DLGAP1: variants seen among roughly 807,000 people sequenced by gnomAD.
DLGAP1 encodes the protein disks large-associated protein 1.
A neutral mutation model predicts 90.8 loss-of-function variants in DLGAP1; 11 were observed. The ratio of observed to expected loss-of-function variants is 0.12; its 90% CI spans 0.08 to 0.20. The LOEUF (loss-of-function observed/expected upper bound fraction) is 0.20, where lower values mean the gene tolerates loss of function less well. Ranked by LOEUF, DLGAP1 falls within the 10% of genes least tolerant of loss-of-function variation. DLGAP1 has a pLI of 1.00. For missense variants in DLGAP1, 1,050 were observed against 1,333.8 expected (o/e 0.79, Z 3.31); for synonymous variants, 558 against 540.7 (o/e 1.03, Z -0.44).
chr18:3,893,620 TAAG>T (rs200944287), intron 3 of DLGAP1, among the ~76,000 whole-genome samples: 59 of 143,422 alleles, frequency 4.1e-4, no homozygotes, highest in African/African-American at 1.1e-3. Context: ...ATAATAATAA[TAAG>T]AACAATTCAA....
intron 3 of DLGAP1, among the ~76,000 whole-genome samples, chr18:3,958,184 C>A (rs772452893): frequency 3.3e-5 from 5 of 152,052 alleles, no homozygotes; most frequent in Admixed American, 6.5e-5. Flanking sequence ...GCTGGGATTA[C>A]AGGCATAAGC....
chr18:3,564,791 G>A (rs766215714), intron 9 of DLGAP1, among the ~76,000 whole-genome samples: 7 of 152,206 alleles, frequency 4.6e-5, no homozygotes, highest in Non-Finnish European at 1.0e-4. Flanking sequence ...ACTCCAGTAA[G>A]TTGTAAGTCT....
At chr18:3,693,997 A>G (rs1198423282) in intron 7 of DLGAP1, among the ~76,000 whole-genome samples, 1 of 152,076 alleles carries the variant, frequency 6.6e-6, no homozygotes, top group Non-Finnish European at 1.5e-5. Context: ...CATTGTCTAC[A>G]TTAGGTATTT....
intron 1 of DLGAP1, among the ~76,000 whole-genome samples, chr18:4,340,828 G>T (rs2081173024): frequency 6.6e-6 from 1 of 152,090 alleles, no homozygotes; most frequent in African/African-American, 2.4e-5. Context: ...TCAACATGAT[G>T]AATGTTCACT....
intron 3 of DLGAP1, among the ~76,000 whole-genome samples, chr18:3,925,178 C>G (rs1363209538): frequency 2.6e-5 from 4 of 152,138 alleles, no homozygotes; most frequent in African/African-American, 9.7e-5. Context: ...GTCTCAAACT[C>G]CTGACATCAG....
chr18:3,718,172 C>G (rs927968096), intron 7 of DLGAP1, among the ~76,000 whole-genome samples: 1 of 152,046 alleles, frequency 6.6e-6, no homozygotes, highest in Admixed American at 6.6e-5. Context: ...TTAATAAAAC[C>G]AGAAAAGGCC....
At chr18:3,662,515 GAC>G (rs1281947873) in intron 7 of DLGAP1, among the ~76,000 whole-genome samples, 4 of 152,246 alleles carry the variant, frequency 2.6e-5, no homozygotes, top group Admixed American at 2.6e-4. Flanking sequence ...TGTATTAGTG[GAC>G]ACATAATCAG....
At chr18:3,844,453 C>A (rs1031290357) in intron 4 of DLGAP1, among the ~76,000 whole-genome samples, 1 of 152,188 alleles carries the variant, frequency 6.6e-6, no homozygotes, top group African/African-American at 2.4e-5. Context: ...CACCAAAAAG[C>A]TATATCACAA....
At chr18:3,975,570 T>C (rs970341047) in intron 3 of DLGAP1, among the ~76,000 whole-genome samples, 1 of 152,160 alleles carries the variant, frequency 6.6e-6, no homozygotes, top group Non-Finnish European at 1.5e-5. Flanking sequence ...AATCCCACTA[T>C]GGGTATATAC....
chr18:4,332,806 C>A (rs2080979723), intron 1 of DLGAP1, among the ~76,000 whole-genome samples: 1 of 151,960 alleles, frequency 6.6e-6, no homozygotes, highest in East Asian at 1.9e-4. Context: ...CCCCATTTTC[C>A]TTCTGACCTC....
chr18:4,256,797 C>T (rs181175916), intron 1 of DLGAP1, among the ~76,000 whole-genome samples: 51 of 152,190 alleles, frequency 3.4e-4, no homozygotes, highest in African/African-American at 1.2e-3. Context: ...GCTATAAAGA[C>T]GGTTTCACTC....
At position 3,497,261 on chromosome 18, in the gene DLGAP1, C is replaced by T. The variant is rs763175197; in HGVS notation, c.*1924G>A. ...AAGAAAAGGTGTATTCTTTTTAAAA[C>T]TAGCAAATACTTGAAGCTCAAAATC... is the stretch of plus-strand genomic sequence containing the variant. On this transcript the variant is annotated 3_prime_UTR_variant, in exon 13 of 13. Transcript: ENST00000315677. 6.6e-6 allele frequency: 1 copy of T among 152,158 alleles called. No homozygotes were observed. The highest frequency in any genetic ancestry group is 1.5e-5 in the Non-Finnish European group (1 of 68,018). The allele number at this position is 152,158 out of a possible 1,614,324, so 9.4% of individuals were successfully genotyped here. A position where few individuals can be genotyped will look rare whatever the true frequency, so the allele number is the denominator to read the frequency against.
intron 6 of DLGAP1, among the ~76,000 whole-genome samples, chr18:3,730,105 TG>T (rs768028484): frequency 4.6e-5 from 7 of 152,174 alleles, no homozygotes; most frequent in Non-Finnish European, 8.8e-5. Flanking sequence ...AAAGCCCATA[TG>T]GGCTGACTGT....
chr18:3,752,276 A>C (rs1026094998), intron 5 of DLGAP1, among the ~76,000 whole-genome samples: 14 of 152,100 alleles, frequency 9.2e-5, no homozygotes, highest in Admixed American at 3.3e-4. Flanking sequence ...ATATTCATAG[A>C]ATTATGTAAT....
intron 1 of DLGAP1, among the ~76,000 whole-genome samples, chr18:4,291,012 G>A (rs1484891788): frequency 6.6e-6 from 1 of 152,070 alleles, no homozygotes; most frequent in Non-Finnish European, 1.5e-5. Context: ...AAAAACAAAA[G>A]CATAGTAAGG....
intron 1 of DLGAP1, among the ~76,000 whole-genome samples, chr18:4,205,005 G>A (rs575423386): frequency 6.6e-6 from 1 of 151,908 alleles, no homozygotes; most frequent in East Asian, 1.9e-4. Context: ...CTAACTGATT[G>A]CTTAAGGGGA....
intron 3 of DLGAP1, among the ~76,000 whole-genome samples, chr18:3,977,435 T>G (rs376071587): frequency 0.012 from 14 of 1,212 alleles, no homozygotes; most frequent in African/African-American, 0.024. Flanking sequence ...TTATTCTGTG[T>G]TTTTTTTTTT....
intron 1 of DLGAP1, among the ~76,000 whole-genome samples, chr18:4,351,845 C>A (rs1203158682): frequency 1.3e-5 from 2 of 152,132 alleles, no homozygotes; most frequent in East Asian, 1.9e-4. Flanking sequence ...AAATTAATAA[C>A]CTTGCTCTAG....
rs1163866098 is a variant in DLGAP1 at position 4,023,957 on chromosome 18, GT to G, written c.-158-18757del. Among the ~76,000 whole-genome samples, 7 of 152,170 alleles carry G rather than the reference GT, an allele frequency of 4.6e-5. No homozygotes were observed. In the East Asian group the frequency reaches 1.2e-3, roughly 25 times the overall value. On this transcript the variant is annotated intron_variant, in intron 2 of 12. Coordinates refer to ENST00000315677, the MANE Select transcript of DLGAP1 (RefSeq NM_004746.4). ...TGTGTATCTCTGTGTGAAAGTGTCT[GT>G]TTTTTGTAAAGTTTATGTATTTTTC...
Sources: gnomAD v4.1 joint callset for allele counts (sites outside exome capture counted in the v4.1 genomes callset) on GRCh38, gnomAD v4.1.1 for gene constraint, MANE v1.5 for transcripts, NCBI Gene and HGNC (gene_info 2026-07-23, HGNC 2026-07-21) for gene names.